TTC27: variants seen among roughly 807,000 people sequenced by gnomAD.
TTC27 encodes tetratricopeptide repeat protein 27.
TTC27 carries 79 observed loss-of-function variants against 115.9 expected under a neutral mutation model. The observed-to-expected ratio is 0.68, with a 90% CI of 0.57 to 0.82. TTC27 has a LOEUF of 0.82. TTC27 is among the 40% of genes least tolerant of loss of function. The pLI is 0.00. For missense variants in TTC27, 1,054 were observed against 993.1 expected, an observed-to-expected ratio of 1.06 and a Z score of -0.82; for synonymous variants, 401 against 356.0, an observed-to-expected ratio of 1.13 and a Z score of -1.42.
chr2:32,674,728 C>T (rs9308927), intron 8 of TTC27, among the ~76,000 whole-genome samples: 15 of 150,656 alleles, frequency 1.0e-4, no homozygotes, highest in African/African-American at 3.7e-4. Flanking sequence ...GGCGCGATCT[C>T]GGCTCACTGC....
intron 10 of TTC27, among the ~76,000 whole-genome samples, chr2:32,727,277 G>A (rs1241412926): frequency 2.0e-5 from 3 of 152,196 alleles, no homozygotes; most frequent in Non-Finnish European, 4.4e-5. Flanking sequence ...TTTGTGAAAT[G>A]TGTCCACATT....
intron 8 of TTC27, among the ~76,000 whole-genome samples, chr2:32,676,901 A>G (rs1299385537): frequency 6.6e-6 from 1 of 151,574 alleles, no homozygotes; most frequent in African/African-American, 2.4e-5. Flanking sequence ...ATCCACTTAT[A>G]TATATTCCAT....
At chr2:32,729,694 C>T (rs12624314) in intron 10 of TTC27, among the ~76,000 whole-genome samples, 18,313 of 151,786 alleles carry the variant, frequency 0.12, 1,279 homozygotes, top group South Asian at 0.3. Flanking sequence ...CCCCAGGGGC[C>T]TCCTCTCTCT....
chr2:32,709,081 T>C (rs1358637781), intron 10 of TTC27, among the ~76,000 whole-genome samples: 2 of 152,190 alleles, frequency 1.3e-5, no homozygotes, highest in Non-Finnish European at 2.9e-5. Flanking sequence ...TAAATATACA[T>C]GAGTCCATAT....
At chr2:32,792,545 T>C (rs1284387353) in intron 16 of TTC27, among the ~76,000 whole-genome samples, 1 of 152,142 alleles carries the variant, frequency 6.6e-6, no homozygotes, top group East Asian at 1.9e-4. Flanking sequence ...TGCCTATCTC[T>C]CTCTGATAAC....
chr2:32,772,417 A>G (rs139979402), intron 13 of TTC27, among the ~76,000 whole-genome samples: 1 of 152,330 alleles, frequency 6.6e-6, no homozygotes, highest in Non-Finnish European at 1.5e-5. Context: ...CTGACTTACA[A>G]TAGTTCCACT....
intron 14 of TTC27, among the ~76,000 whole-genome samples, chr2:32,779,834 G>A (rs1670114619): frequency 6.7e-6 from 1 of 150,214 alleles, no homozygotes; most frequent in South Asian, 2.2e-4. Context: ...ATGATATAAG[G>A]AAGGGGTCCA....
chr2:32,737,719 T>C (rs1178043293), intron 12 of TTC27, among the ~76,000 whole-genome samples: 1 of 152,146 alleles, frequency 6.6e-6, no homozygotes, highest in African/African-American at 2.4e-5. Context: ...TGGAAGATTA[T>C]CGACTGGGCA....
chr2:32,770,417 C>T (rs1471927334), intron 13 of TTC27, among the ~76,000 whole-genome samples: 1 of 152,220 alleles, frequency 6.6e-6, no homozygotes, highest in Non-Finnish European at 1.5e-5. Context: ...TTAACCTCTT[C>T]ACAGTTTTGC....
intron 13 of TTC27, among the ~76,000 whole-genome samples, chr2:32,767,582 C>T (rs1230817587): frequency 6.6e-6 from 1 of 151,386 alleles, no homozygotes; most frequent in Non-Finnish European, 1.5e-5. Context: ...CTGCCTCAGC[C>T]TCCCGAGTAG....
intron 3 of TTC27, among the ~76,000 whole-genome samples, chr2:32,636,388 A>G (rs1159013253): frequency 1.3e-5 from 2 of 151,916 alleles, no homozygotes; most frequent in Admixed American, 1.3e-4. Context: ...TAATTTTTGT[A>G]TTTTTAGTAG....
intron 18 of TTC27, among the ~76,000 whole-genome samples, chr2:32,817,189 T>C (rs751845955): frequency 6.6e-6 from 1 of 150,676 alleles, no homozygotes; most frequent in African/African-American, 2.4e-5. Context: ...TTGAGGCCAG[T>C]AGTTCAAGGC....
chr2:32,672,953 T>C (rs12617697), intron 8 of TTC27, among the ~76,000 whole-genome samples: 129,392 of 152,188 alleles, frequency 0.85, 55,104 homozygotes, highest in Middle Eastern at 0.92. Context: ...AGAAAATTAA[T>C]GTTGGTACTT....
At chr2:32,735,753 T>A (rs1413462544) in intron 11 of TTC27, among the ~76,000 whole-genome samples, 1 of 152,230 alleles carries the variant, frequency 6.6e-6, no homozygotes, top group East Asian at 1.9e-4. Context: ...AGCACCAAGA[T>A]TTATTCCAGC....
At chr2:32,649,868 T>G (rs139904026) in intron 4 of TTC27, among the ~76,000 whole-genome samples, 1 of 151,232 alleles carries the variant, frequency 6.6e-6, no homozygotes, top group Non-Finnish European at 1.5e-5. Context: ...AAAGGAGGAG[T>G]TGGTAAGTTC....
intron 7 of TTC27, among the ~76,000 whole-genome samples, chr2:32,668,630 C>G (rs1429615614): frequency 1.5e-5 from 2 of 132,794 alleles, no homozygotes; most frequent in African/African-American, 5.8e-5. Flanking sequence ...CTATATTGCC[C>G]AGGTTTGTTT....
intron 12 of TTC27, among the ~76,000 whole-genome samples, chr2:32,743,222 C>A (rs1394639351): frequency 2.0e-5 from 3 of 152,284 alleles, no homozygotes; most frequent in East Asian, 3.9e-4. Flanking sequence ...AATTTTAATT[C>A]TTTCCATTAA....
At chr2:32,660,828 C>T (rs922615151) in intron 5 of TTC27, among the ~76,000 whole-genome samples, 8 of 152,166 alleles carry the variant, frequency 5.3e-5, no homozygotes, top group Non-Finnish European at 1.5e-5. Context: ...GTGTTTTAGA[C>T]ATGAAGTCTT....
intron 9 of TTC27, 31 bp downstream of exon 9, chr2:32,678,953 T>C (rs2151888258): frequency 1.3e-6 from 2 of 1,582,738 alleles, no homozygotes; most frequent in East Asian, 4.5e-5. Context: ...TTCCATTTCA[T>C]TTTTTTCCTG....
Sources: gnomAD v4.1 joint callset for allele counts (sites outside exome capture counted in the v4.1 genomes callset) on GRCh38, gnomAD v4.1.1 for gene constraint, MANE v1.5 for transcripts, NCBI Gene and HGNC (gene_info 2026-07-23, HGNC 2026-07-21) for gene names.